The following MYH15 variants were observed in gnomAD, a reference collection of about 807,000 sequenced individuals.
The protein encoded by MYH15 is myosin heavy chain 15.
Under a neutral mutation model 240.5 loss-of-function variants are expected in MYH15, and 227 were observed. The observed-to-expected ratio is 0.94, with a 90% confidence interval of 0.85 to 1.05. The LOEUF is 1.05. Among genes scored for constraint, MYH15 ranks in the 50% least tolerant of loss-of-function variants. MYH15 has a pLI of 0.00. For synonymous variants in MYH15, 785 were observed against 796.7 expected (o/e 0.99, Z 0.25); for missense variants, 2,217 against 2,247.5 (o/e 0.99, Z 0.27).
intron 21 of MYH15, among the ~76,000 whole-genome samples, chr3:108,450,697 C>A (rs1258365011): frequency 6.6e-6 from 1 of 152,138 alleles, no homozygotes; most frequent in South Asian, 2.1e-4. Flanking sequence ...ACCTTAAATG[C>A]TCTCACCACA....
chr3:108,452,235 C>A (rs956355314), intron 21 of MYH15, among the ~76,000 whole-genome samples: 2 of 152,016 alleles, frequency 1.3e-5, no homozygotes, highest in African/African-American at 4.8e-5. Context: ...TTAATTCATG[C>A]CCTAGAGAAG....
At chr3:108,410,522 T>C in intron 31 of MYH15, 61 bp downstream of exon 31, 3 of 1,217,478 alleles carry the variant, frequency 2.5e-6, no homozygotes, top group Non-Finnish European at 3.4e-6. Context: ...GCCTTGCCTG[T>C]AGCCAGGGCT....
At chr3:108,429,063 C>T (rs143844997) in intron 26 of MYH15, among the ~76,000 whole-genome samples, 182 bp from the exon 27 acceptor site, 115 of 152,200 alleles carry the variant, frequency 7.6e-4, no homozygotes, top group African/African-American at 2.6e-3. Flanking sequence ...TTAGAATTTG[C>T]AGTTCTGCCA....
At chr3:108,479,857 A>T (rs1378735354) in intron 11 of MYH15, among the ~76,000 whole-genome samples, 1 of 152,170 alleles carries the variant, frequency 6.6e-6, no homozygotes, top group African/African-American at 2.4e-5. Flanking sequence ...AATGAAGCAA[A>T]ATCCAGTTTT....
At chr3:108,485,454 A>G (rs915000281) in intron 10 of MYH15, among the ~76,000 whole-genome samples, 1 of 152,190 alleles carries the variant, frequency 6.6e-6, no homozygotes, top group African/African-American at 2.4e-5. Flanking sequence ...TTTAGTTCCC[A>G]ATAGTTTTAG....
Position 108,444,658 on chromosome 3 carries a change from C to G in MYH15, c.2637G>C (p.Leu879=). ...QVSLTQEKND[L]ILQLQAEQET... ...TACTCACAGCCTGAAGCTGAAGAAT[C>G]AGGTCATTTTTTTCCTGAGTGAGGG... is the stretch of plus-strand genomic sequence containing the variant. Residue 879 remains leucine (L), a synonymous_variant, in exon 22 of 41, where the codon CTG becomes CTC. Coordinates refer to ENST00000693548, the MANE Select transcript of MYH15 (RefSeq NM_014981.3). 1 of 1,613,930 alleles carries G rather than the reference C, an allele frequency of 6.2e-7. No individual in the cohort carries two copies.
At chr3:108,534,043 T>C (rs981074402), upstream of MYH15, among the ~76,000 whole-genome samples, 1 of 152,232 alleles carries the variant, frequency 6.6e-6, no homozygotes, top group African/African-American at 2.4e-5. Context: ...AAGAGCTTTT[T>C]TGAAAGATTC....
At chr3:108,498,014 C>T in intron 6 of MYH15, 38 bp downstream of exon 6, 2 of 1,569,694 alleles carry the variant, frequency 1.3e-6, no homozygotes, top group Non-Finnish European at 8.8e-7. Flanking sequence ...GTGGATAGGG[C>T]CACCTCATCT....
At chr3:108,460,040 T>G (rs1450989513) in intron 17 of MYH15, among the ~76,000 whole-genome samples, 7 of 152,112 alleles carry the variant, frequency 4.6e-5, no homozygotes. Context: ...TTTGGCTAAG[T>G]GCAATTCTGA....
Position 108,493,148 on chromosome 3 carries a change from G to C in MYH15, c.741C>G (p.Ala247=), listed in dbSNP as rs200082621. ...TGTCCACAGATGACAGCATGCCTCTGGCACCAAAGTGCATCCTGATGAATT... is the reference window on the plus strand; with the variant it reads ...TGTCCACAGATGACAGCATGCCTCTCGCACCAAAGTGCATCCTGATGAATT... ...FGKFIRMHFG[A]RGMLSSVDID... Residue 247 remains alanine, a synonymous_variant, in exon 8 of 41, where the codon GCC becomes GCG. Transcript: ENST00000693548. 49 of 1,614,078 alleles carry C rather than the reference G, an allele frequency of 3.0e-5. No individual in the cohort carries two copies. In the Middle Eastern group the frequency reaches 9.9e-4, roughly 33 times the overall value.
intron 30 of MYH15, among the ~76,000 whole-genome samples, chr3:108,412,770 C>G (rs2082604292): frequency 6.6e-6 from 1 of 152,158 alleles, no homozygotes; most frequent in South Asian, 2.1e-4. Flanking sequence ...CTTGAGTCTG[C>G]TAAACTAACT....
chr3:108,455,374 G>A (rs2083009716), intron 20 of MYH15, among the ~76,000 whole-genome samples: 1 of 152,134 alleles, frequency 6.6e-6, no homozygotes, highest in East Asian at 1.9e-4. Context: ...AGAATATGGT[G>A]GATGAATCAG....
chr3:108,415,936 C>T (rs564409776), intron 29 of MYH15, among the ~76,000 whole-genome samples: 17 of 152,224 alleles, frequency 1.1e-4, no homozygotes, highest in East Asian at 7.7e-4. Flanking sequence ...TTTCACTATG[C>T]GTTTAAGTTC....
chr3:108,407,160 T>C (rs895256964), intron 32 of MYH15, among the ~76,000 whole-genome samples: 2 of 152,290 alleles, frequency 1.3e-5, no homozygotes, highest in East Asian at 1.9e-4. Context: ...GCCTGACAAC[T>C]CTATACAGAG....
At chr3:108,458,056 T>G (rs951216377) in intron 18 of MYH15, among the ~76,000 whole-genome samples, 2 of 151,720 alleles carry the variant, frequency 1.3e-5, no homozygotes, top group Non-Finnish European at 2.9e-5. Context: ...TCAAATTATT[T>G]TTTTTAAAAA....
intron 26 of MYH15, among the ~76,000 whole-genome samples, chr3:108,429,150 C>T (rs1291870334): frequency 6.6e-6 from 1 of 151,934 alleles, no homozygotes; most frequent in Non-Finnish European, 1.5e-5. Flanking sequence ...AGAGCACTTC[C>T]CAAAGAAACA....
intron 1 of MYH15, among the ~76,000 whole-genome samples, chr3:108,521,885 C>T (rs1379687512): frequency 3.2e-4 from 48 of 152,072 alleles, no homozygotes; most frequent in Admixed American, 3.1e-3. Context: ...TTCAGGTGTG[C>T]TTGGGGCCTG....
Position 108,437,676 on chromosome 3 carries a change from C to A in MYH15, c.3099G>T (p.Glu1033Asp), listed in dbSNP as rs2082851801. ...TTTCACAGTTCATTCTCGCTTTTCT[C>A]TCCTGCTCAAGGGCACCCTCAAGCT... The part of the protein sequence containing the change: ...VDELEGALEQ[E>D]RKARMNCERE... The change falls in exon 25 of 41, where the codon GAG becomes GAT. Residue 1033 changes from glutamate (E) to aspartate (D), a missense_variant. Coordinates refer to ENST00000693548, the MANE Select transcript of MYH15 (RefSeq NM_014981.3). 6.2e-7 allele frequency: 1 copy of A among 1,613,516 alleles called. No individual in the cohort carries two copies. Among genetic ancestry groups the A allele is most frequent in the African/African-American group, 1.3e-5 (1 of 74,884 alleles).
intron 21 of MYH15, 75 bp downstream of exon 21, chr3:108,453,927 ATAAG>A (rs2082997258): frequency 5.6e-6 from 8 of 1,433,960 alleles, no homozygotes; most frequent in Middle Eastern, 1.8e-4. Context: ...TTGACCTACT[ATAAG>A]GCAATGAGAT....
Sources: gnomAD v4.1 joint callset for allele counts (sites outside exome capture counted in the v4.1 genomes callset) on GRCh38, gnomAD v4.1.1 for gene constraint, MANE v1.5 for transcripts, NCBI Gene and HGNC (gene_info 2026-07-23, HGNC 2026-07-21) for gene names.